KHK: variants seen among roughly 807,000 people sequenced by gnomAD.
KHK encodes ketohexokinase, also known as fructokinase.
Under a neutral mutation model 36.0 loss-of-function variants are expected in KHK, and 37 were observed. That is an observed-to-expected ratio of 1.03 (90% CI 0.79 to 1.35). KHK has a LOEUF of 1.35. KHK is among the 40% of genes most tolerant of loss of function. KHK has a pLI of 0.00. For synonymous variants in KHK, 161 were observed against 162.8 expected (o/e 0.99, Z 0.08); for missense variants, 395 against 391.9 (o/e 1.01, Z -0.07).
intron 2 of KHK, chr2:27,094,364 C>T: frequency 8.1e-7 from 1 of 1,238,794 alleles, no homozygotes; most frequent in Non-Finnish European, 1.2e-6. Context: ...CTCTCCCAGC[C>T]CCCTTTGCTT....
chr2:27,099,536 G>T lies in KHK; in HGVS notation c.770G>T (p.Gly257Val), dbSNP rs780112409. The change falls in exon 7 of 8, where the codon GGA becomes GTA. Residue 257 changes from glycine to valine, a missense_variant. Physicochemically the swap from Gly to Val is moderately radical, Grantham distance 109 (BLOSUM62 -3). Coordinates refer to ENST00000260598, the MANE Select transcript of KHK (RefSeq NM_006488.3). Reference protein sequence around the residue: ...PPRVVDTLGAGDTFNASVIFS... With the variant: ...PPRVVDTLGAVDTFNASVIFS... ...CGCGTGGTGGATACACTGGGAGCTG[G>T]AGACACCTTCAATGCCTCCGTCATC... 1 of 1,614,056 alleles carries T rather than the reference G, an allele frequency of 6.2e-7. No homozygotes were observed. The highest frequency in any genetic ancestry group is 8.5e-7 in the Non-Finnish European group (1 of 1,180,032).
Position 27,099,444 on chromosome 2 carries a change from T to C in KHK, c.678T>C (p.Ala226=), listed in dbSNP as rs1558453028. Residue 226 remains alanine, a synonymous_variant, in exon 7 of 8, where the codon GCT becomes GCC. Transcript: ENST00000260598. ...GGGCTGTGCTTGTCTGTGCCTGGGCTGAGGAGGGCGCCGACGCCCTGGGCC... is the reference window on the plus strand; with the variant it reads ...GGGCTGTGCTTGTCTGTGCCTGGGCCGAGGAGGGCGCCGACGCCCTGGGCC... ...RKGAVLVCAW[A]EEGADALGPD... is the part of the protein sequence containing the mutation. 1 of 1,613,852 alleles carries C rather than the reference T, an allele frequency of 6.2e-7. No individual in the cohort carries two copies. Among genetic ancestry groups the C allele is most frequent in the African/African-American group, 1.3e-5 (1 of 74,906 alleles).
intron 1 of KHK, among the ~76,000 whole-genome samples, chr2:27,088,747 G>T (rs908485203): frequency 1.3e-5 from 2 of 152,148 alleles, no homozygotes; most frequent in Admixed American, 6.5e-5. Context: ...ATTTCCTCTT[G>T]ATAAGGGCCC....
chr2:27,087,605 C>T (rs1368577460), intron 1 of KHK, among the ~76,000 whole-genome samples: 1 of 152,166 alleles, frequency 6.6e-6, no homozygotes, highest in Admixed American at 6.5e-5. Flanking sequence ...ACTCAGGCAT[C>T]AGGTGTCAGG....
In KHK at chr2:27,099,719, G is replaced by T. The variant is rs201037118; in HGVS notation, c.866G>T (p.Cys289Phe). ...RFGCQVAGKK[C>F]GLQGFDGIV ...GGGTGCCAGGTGGCCGGCAAGAAGTGTGGCCTGCAGGGCTTTGATGGCATC... is the reference window on the plus strand; with the variant it reads ...GGGTGCCAGGTGGCCGGCAAGAAGTTTGGCCTGCAGGGCTTTGATGGCATC... The change falls in exon 8 of 8, where the codon TGT (cysteine) becomes TTT (phenylalanine). Residue 289 changes from cysteine (C) to phenylalanine (F), a missense_variant. Cys to Phe is a radical substitution (Grantham distance 205). Coordinates refer to ENST00000260598, the MANE Select transcript of KHK (RefSeq NM_006488.3). The T allele has an allele frequency of 1.2e-6, 2 of 1,614,044 alleles. No individual in the cohort carries two copies. The highest frequency in any genetic ancestry group is 2.7e-5 in the African/African-American group (2 of 74,930).
intron 3 of KHK, among the ~76,000 whole-genome samples, chr2:27,096,284 T>C (rs1046319709): frequency 2.0e-5 from 3 of 152,068 alleles, no homozygotes; most frequent in African/African-American, 7.2e-5. Context: ...AGGGGTGCCA[T>C]AGGTAAACCC....
intron 1 of KHK, among the ~76,000 whole-genome samples, chr2:27,089,793 A>G (rs909816667): frequency 6.6e-6 from 1 of 152,164 alleles, no homozygotes; most frequent in Non-Finnish European, 1.5e-5. Flanking sequence ...TGTGCTTGAC[A>G]GGCAGTTGGG....
At chr2:27,096,691 T>C in intron 3 of KHK, 38 bp from the exon 4 acceptor site, 1 of 1,560,814 alleles carries the variant, frequency 6.4e-7, no homozygotes, top group Non-Finnish European at 8.8e-7. Context: ...GACCCCATCA[T>C]GCTCCTTCTT....
At chr2:27,093,231 C>T (rs943644356) in intron 2 of KHK, among the ~76,000 whole-genome samples, 1 of 152,178 alleles carries the variant, frequency 6.6e-6, no homozygotes, top group African/African-American at 2.4e-5. Context: ...TGAGCTACAG[C>T]CAAACTCCCT....
intron 5 of KHK, 143 bp from the exon 6 acceptor site, chr2:27,099,053 G>T: frequency 1.2e-6 from 1 of 812,628 alleles, no homozygotes; most frequent in South Asian, 1.3e-5. Flanking sequence ...AGAAAACCAC[G>T]TTCCCGTGGG....
chr2:27,088,903 T>G lies in KHK; in HGVS notation c.92+1552T>G, dbSNP rs530447166. Among the ~76,000 whole-genome samples the G allele has an allele frequency of 8.5e-4, 129 of 152,210 alleles. 1 individual carries two copies. Among genetic ancestry groups the G allele is most frequent in the African/African-American group, 3.0e-3 (125 of 41,522 alleles). Reference sequence around the variant, plus strand: ...AGCTAAGAACTGGATAAGAGGCAGTTCAAGACTGAACTCCACAAAGACACG... The same window carrying G: ...AGCTAAGAACTGGATAAGAGGCAGTGCAAGACTGAACTCCACAAAGACACG... On this transcript the variant is annotated intron_variant, in intron 1 of 7. Coordinates refer to ENST00000260598, the MANE Select transcript of KHK (RefSeq NM_006488.3).
chr2:27,089,731 G>C (rs1207979083), intron 1 of KHK, among the ~76,000 whole-genome samples: 2 of 152,218 alleles, frequency 1.3e-5, no homozygotes, highest in Non-Finnish European at 2.9e-5. Context: ...GCACATCCGA[G>C]TGGGGACCCA....
chr2:27,096,923 T>C (rs944320466), intron 4 of KHK, 122 bp downstream of exon 4: 4 of 753,098 alleles, frequency 5.3e-6, no homozygotes, highest in African/African-American at 5.1e-5. Context: ...AACCCCCTCA[T>C]TCTCTCTCCA....
chr2:27,099,085 G>A, intron 5 of KHK, 111 bp from the exon 6 acceptor site: 1 of 921,620 alleles, frequency 1.1e-6, no homozygotes, highest in African/African-American at 1.6e-5. Context: ...CTACGTTGGG[G>A]ATCTATGTGG....
At position 27,092,473 on chromosome 2, in the gene KHK, T is replaced by G. The variant is rs1248104603; in HGVS notation, c.209+25T>G. On this transcript the variant is annotated intron_variant, in intron 2 of 7. Transcript: ENST00000260598. ...AGTAAGTCCAGGAGGGAGAGCCCAC[T>G]GGGGAAGGCCTGCCTGCATCATTGT... 3 of 1,524,554 alleles carry G rather than the reference T, an allele frequency of 2.0e-6. No homozygotes were observed. The African/African-American group carries it at 4.1e-5, about 21-fold the overall frequency. 94.4% of individuals were successfully genotyped at this position (1,524,554 alleles called of 1,614,324 possible). A position where few individuals can be genotyped will look rare whatever the true frequency, so the allele number is the denominator to read the frequency against.
At chr2:27,099,033 T>G in intron 5 of KHK, 163 bp from the exon 6 acceptor site, 1 of 733,348 alleles carries the variant, frequency 1.4e-6, no homozygotes, top group Non-Finnish European at 2.5e-6. Context: ...TCACAAAAAA[T>G]AAAGAAAAAA....
At chr2:27,089,752 G>A (rs1165378314) in intron 1 of KHK, among the ~76,000 whole-genome samples, 2 of 152,314 alleles carry the variant, frequency 1.3e-5, no homozygotes, top group South Asian at 4.1e-4. Flanking sequence ...GTCCTTCCTG[G>A]GTGTCTCAGC....
rs1025114322 is a variant in KHK, at chr2:27,099,828, C to T, written c.*78C>T. Reference sequence around the variant, plus strand: ...GCCTTCTCCCCTCCATCCAGCCTGGCGTCCAGGTTGCCCTGTTCAGGGGAC... The same window carrying T: ...GCCTTCTCCCCTCCATCCAGCCTGGTGTCCAGGTTGCCCTGTTCAGGGGAC... On this transcript the variant is annotated 3_prime_UTR_variant, in exon 8 of 8. Coordinates refer to ENST00000260598, the MANE Select transcript of KHK (RefSeq NM_006488.3). 5.1e-6 allele frequency: 8 copies of T among 1,565,548 alleles called. No individual in the cohort carries two copies. Among genetic ancestry groups the T allele is most frequent in the East Asian group, 2.4e-5 (1 of 41,664 alleles).
chr2:27,093,729 T>C (rs1037594772), intron 2 of KHK, among the ~76,000 whole-genome samples: 2 of 152,212 alleles, frequency 1.3e-5, no homozygotes, highest in East Asian at 3.8e-4. Context: ...CACAGAACAA[T>C]GCCTGTCCAT....
Sources: allele counts gnomAD v4.1 joint callset (sites outside exome capture counted in the v4.1 genomes callset), GRCh38; gene constraint gnomAD v4.1.1; transcripts MANE v1.5; gene names NCBI Gene and HGNC (gene_info 2026-07-23, HGNC 2026-07-21).